Variants in ULK4 observed in about 807,000 individuals in gnomAD.
The protein encoded by ULK4 is inactive serine/threonine-protein kinase ULK4.
Under a neutral mutation model 160.6 loss-of-function variants are expected in ULK4, and 133 were observed. The ratio of observed to expected loss-of-function variants is 0.83; its 90% CI spans 0.72 to 0.96. ULK4 has a LOEUF of 0.96. ULK4 is among the 40% of genes least tolerant of loss of function. The probability of loss-of-function intolerance (pLI) is 0.00; values close to 1 mark genes in which losing one functional copy is unlikely to be tolerated. For synonymous variants in ULK4, 534 were observed against 539.8 expected (o/e 0.99, Z 0.15); for missense variants, 1,580 against 1,499.5 (o/e 1.05, Z -0.89).
chr3:41,864,999 C>T (rs1392266333), intron 17 of ULK4, among the ~76,000 whole-genome samples: 4 of 151,492 alleles, frequency 2.6e-5, no homozygotes, highest in East Asian at 2.0e-4. Flanking sequence ...AGGCCAGGCA[C>T]GGTGGCTCAT....
chr3:41,626,563 T>C (rs1160877952), intron 30 of ULK4, among the ~76,000 whole-genome samples: 4 of 150,698 alleles, frequency 2.7e-5, no homozygotes, highest in African/African-American at 9.8e-5. Context: ...AGTCTCGCTG[T>C]CACCCAGGCT....
At chr3:41,939,814 G>A (rs1699893933) in intron 2 of ULK4, among the ~76,000 whole-genome samples, 1 of 152,098 alleles carries the variant, frequency 6.6e-6, no homozygotes, top group Non-Finnish European at 1.5e-5. Context: ...TGTCAGATCA[G>A]CAGTGGCATT....
intron 16 of ULK4, among the ~76,000 whole-genome samples, chr3:41,893,834 G>A (rs937532215): frequency 2.9e-4 from 44 of 151,944 alleles, no homozygotes; most frequent in Middle Eastern, 3.4e-3. Flanking sequence ...CAAAACTAAA[G>A]AATAAATATA....
intron 32 of ULK4, among the ~76,000 whole-genome samples, chr3:41,547,936 GGCCTGCCTGCT>G (rs1656440217): frequency 6.6e-6 from 1 of 152,164 alleles, no homozygotes; most frequent in Admixed American, 6.5e-5. Context: ...GACTGAGAGT[GGCCTGCCTGCT>G]GCCTGGGGAT....
At chr3:41,520,597 T>C (rs912797967) in intron 32 of ULK4, among the ~76,000 whole-genome samples, 8 of 152,232 alleles carry the variant, frequency 5.3e-5, no homozygotes, top group African/African-American at 1.4e-4. Context: ...TGCTCAATCA[T>C]ATGTAATTCC....
chr3:41,582,927 T>A (rs184548692), intron 31 of ULK4, among the ~76,000 whole-genome samples: 2 of 152,366 alleles, frequency 1.3e-5, no homozygotes, highest in African/African-American at 4.8e-5. Context: ...GAAACATTCA[T>A]CAATAAGTCT....
chr3:41,950,986 T>C (rs906604132), intron 2 of ULK4, among the ~76,000 whole-genome samples: 2 of 150,798 alleles, frequency 1.3e-5, no homozygotes, highest in African/African-American at 4.9e-5. Context: ...CTACTAAAAA[T>C]ACAAAAAATT....
intron 34 of ULK4, among the ~76,000 whole-genome samples, chr3:41,447,572 C>A (rs2083329441): frequency 2.0e-5 from 3 of 152,116 alleles, no homozygotes; most frequent in Admixed American, 2.0e-4. Flanking sequence ...CTAGACAAAT[C>A]TAAACATTGA....
chr3:41,440,416 A>G (rs1459250038), intron 34 of ULK4, among the ~76,000 whole-genome samples: 2 of 152,202 alleles, frequency 1.3e-5, no homozygotes, highest in Non-Finnish European at 2.9e-5. Context: ...TATTGAAACA[A>G]TGAAATAGTT....
intron 32 of ULK4, among the ~76,000 whole-genome samples, chr3:41,494,966 A>G (rs953248259): frequency 1.8e-3 from 275 of 152,086 alleles, no homozygotes; most frequent in Non-Finnish European, 2.8e-3. Flanking sequence ...CCATGCTCAT[A>G]GGTAGGAAGA....
At chr3:41,676,243 C>A (rs2035710509) in intron 29 of ULK4, among the ~76,000 whole-genome samples, 1 of 152,222 alleles carries the variant, frequency 6.6e-6, no homozygotes, top group South Asian at 2.1e-4. Context: ...TACTTAGAAT[C>A]TAAAGTTATA....
chr3:41,427,782 G>A (rs188025285), intron 34 of ULK4, among the ~76,000 whole-genome samples: 2 of 152,140 alleles, frequency 1.3e-5, no homozygotes, highest in South Asian at 2.1e-4. Context: ...AAAATAATAT[G>A]AGCCATTTAT....
intron 31 of ULK4, among the ~76,000 whole-genome samples, chr3:41,599,468 G>C (rs566401968): frequency 3.3e-5 from 5 of 152,184 alleles, no homozygotes; most frequent in Middle Eastern, 3.4e-3. Flanking sequence ...GGTGGGAGCA[G>C]TATTCTGCCT....
chr3:41,366,792 C>T lies in ULK4; in HGVS notation c.3678+31287G>A, dbSNP rs1429546939. Among the ~76,000 whole-genome samples the T allele has an allele frequency of 6.6e-5, 10 of 152,192 alleles. No homozygotes were observed. The East Asian group carries it at 1.9e-3, about 29-fold the overall frequency. The stretch of plus-strand genomic sequence containing the variant: ...CAGTTGAGTCTTCTGTCCCTTCTCT[C>T]TATGCTGGGAGGGTATTCAATTTCA... On this transcript the variant is annotated intron_variant, in intron 35 of 36. Transcript: ENST00000301831.
intron 21 of ULK4, among the ~76,000 whole-genome samples, chr3:41,771,441 AGTAAAT>A (rs2039369999): frequency 6.6e-6 from 1 of 152,212 alleles, no homozygotes; most frequent in Non-Finnish European, 1.5e-5. Flanking sequence ...GGCAAAACTC[AGTAAAT>A]GTAAATTTAT....
At chr3:41,614,905 C>T (rs1310382399) in intron 31 of ULK4, among the ~76,000 whole-genome samples, 1 of 152,140 alleles carries the variant, frequency 6.6e-6, no homozygotes, top group Non-Finnish European at 1.5e-5. Context: ...GGGGAAGTGC[C>T]CCCTCTGTTG....
At chr3:41,653,247 A>G (rs1354774459) in intron 30 of ULK4, among the ~76,000 whole-genome samples, 1 of 152,134 alleles carries the variant, frequency 6.6e-6, no homozygotes, top group African/African-American at 2.4e-5. Context: ...ACACCCAGGG[A>G]CAGCCCTTAC....
At chr3:41,773,739 A>T (rs908474161) in intron 21 of ULK4, among the ~76,000 whole-genome samples, 8 of 152,282 alleles carry the variant, frequency 5.3e-5, no homozygotes, top group African/African-American at 1.9e-4. Context: ...TTCATATGGA[A>T]CCAAAAAAGA....
intron 31 of ULK4, among the ~76,000 whole-genome samples, chr3:41,581,389 G>A (rs2030326189): frequency 6.6e-6 from 1 of 152,070 alleles, no homozygotes; most frequent in Non-Finnish European, 1.5e-5. Flanking sequence ...AAAATAACAA[G>A]AGGTTTTAAT....
Sources: allele counts gnomAD v4.1 joint callset (sites outside exome capture counted in the v4.1 genomes callset), GRCh38; gene constraint gnomAD v4.1.1; transcripts MANE v1.5; gene names NCBI Gene and HGNC (gene_info 2026-07-23, HGNC 2026-07-21).